Variants in GNAI1 observed in about 807,000 individuals in gnomAD.
GNAI1 encodes G protein subunit alpha i1, also known as guanine nucleotide-binding protein G(i) subunit alpha-1.
A neutral mutation model predicts 38.9 loss-of-function variants in GNAI1; 11 were observed. The ratio of observed to expected loss-of-function variants is 0.28; its 90% CI spans 0.18 to 0.47. The LOEUF is 0.47. Ranked by LOEUF, GNAI1 falls within the 20% of genes least tolerant of loss-of-function variation. GNAI1 has a pLI of 0.99. For missense variants in GNAI1, 317 were observed against 436.9 expected (o/e 0.73, Z 2.45); for synonymous variants, 166 against 145.1 (o/e 1.14, Z -1.04).
intron 5 of GNAI1, among the ~76,000 whole-genome samples, chr7:80,205,571 C>A (rs1448486102): frequency 7.0e-6 from 1 of 142,022 alleles, no homozygotes; most frequent in Non-Finnish European, 1.5e-5. Context: ...TTAGATAAAT[C>A]ATTTGTTACC....
rs889319678 is a variant in GNAI1, at chr7:80,134,886, C to A, written c.-275C>A. ...GCGGCCACCGGCGGGAGTGCAGCGG[C>A]CACTGTACCCAGAGATTCAAAACCC... On this transcript the variant is annotated 5_prime_UTR_variant, in exon 1 of 8. Coordinates refer to ENST00000649796, the MANE Select transcript of GNAI1 (RefSeq NM_002069.6). 3.4e-6 allele frequency: 1 copy of A among 290,324 alleles called. No individual in the cohort carries two copies. The allele number at this position is 290,324 out of a possible 1,614,324, so 18.0% of individuals were successfully genotyped here. A position where few individuals can be genotyped will look rare whatever the true frequency, so the allele number is the denominator to read the frequency against.
chr7:80,148,090 A>T (rs916305693), intron 1 of GNAI1, among the ~76,000 whole-genome samples: 5 of 152,132 alleles, frequency 3.3e-5, no homozygotes, highest in South Asian at 2.1e-4. Flanking sequence ...ATTTGTCTTG[A>T]TAGGCCTTTG....
chr7:80,143,968 A>T (rs1030511659), intron 1 of GNAI1, among the ~76,000 whole-genome samples: 5 of 151,386 alleles, frequency 3.3e-5, no homozygotes, highest in African/African-American at 9.7e-5. Flanking sequence ...GTGTGTGTGT[A>T]TATATATAGT....
intron 5 of GNAI1, 60 bp downstream of exon 5, chr7:80,203,892 TAAA>T: frequency 1.0e-6 from 1 of 984,246 alleles, no homozygotes; most frequent in Non-Finnish European, 1.5e-6. Flanking sequence ...GCTTTAGAAA[TAAA>T]AAGTGTAATA....
At chr7:80,193,028 A>G (rs1788509631) in intron 3 of GNAI1, among the ~76,000 whole-genome samples, 1 of 151,278 alleles carries the variant, frequency 6.6e-6, no homozygotes, top group African/African-American at 2.4e-5. Flanking sequence ...TTTGTTTTTA[A>G]TAATTATTAT....
intron 3 of GNAI1, among the ~76,000 whole-genome samples, chr7:80,196,426 C>G (rs1788575668): frequency 1.3e-5 from 2 of 151,986 alleles, no homozygotes; most frequent in Admixed American, 1.3e-4. Context: ...CTCTGTATCA[C>G]ACTATTTTGG....
At chr7:80,199,430 C>G in intron 4 of GNAI1, 48 bp downstream of exon 4, 4 of 1,359,178 alleles carry the variant, frequency 2.9e-6, no homozygotes, top group Non-Finnish European at 4.1e-6. Context: ...TAATTACTTG[C>G]AAGTCAAATA....
chr7:80,149,589 C>A (rs116787894), intron 1 of GNAI1, among the ~76,000 whole-genome samples: 1 of 152,144 alleles, frequency 6.6e-6, no homozygotes, highest in African/African-American at 2.4e-5. Flanking sequence ...TGCTGAGGGG[C>A]AGTAGAAGGA....
intron 1 of GNAI1, among the ~76,000 whole-genome samples, chr7:80,152,474 A>G (rs1787744375): frequency 6.6e-6 from 1 of 152,140 alleles, no homozygotes; most frequent in Admixed American, 6.5e-5. Flanking sequence ...TATCCATTGA[A>G]ATAGGTCGAT....
At chr7:80,147,792 A>G (rs1187977668) in intron 1 of GNAI1, among the ~76,000 whole-genome samples, 1 of 152,210 alleles carries the variant, frequency 6.6e-6, no homozygotes, top group Non-Finnish European at 1.5e-5. Context: ...CATGTGTTCT[A>G]TAGCTTCTAC....
intron 1 of GNAI1, among the ~76,000 whole-genome samples, chr7:80,152,028 C>T (rs183668938): frequency 1.4e-4 from 21 of 152,266 alleles, no homozygotes; most frequent in Middle Eastern, 3.4e-3. Context: ...TCTCCTTTCA[C>T]GGCCTCTTTT....
At chr7:80,148,715 A>G (rs1357278258) in intron 1 of GNAI1, among the ~76,000 whole-genome samples, 3 of 152,150 alleles carry the variant, frequency 2.0e-5, no homozygotes, top group Non-Finnish European at 4.4e-5. Flanking sequence ...TGTTCTAGAA[A>G]TGATTTAGTA....
Position 80,143,707 on chromosome 7 carries a change from C to G in GNAI1, c.118+8429C>G, listed in dbSNP as rs545437793. ...TATAAATGCTGGATAATAAATATAT[C>G]TACTTCATAGGGCTAGTGACAAAGT... On this transcript the variant is annotated intron_variant, in intron 1 of 7. Coordinates refer to ENST00000649796, the MANE Select transcript of GNAI1 (RefSeq NM_002069.6). Among the ~76,000 whole-genome samples, 28 of 152,174 alleles carry G rather than the reference C, an allele frequency of 1.8e-4. No individual in the cohort carries two copies. In the South Asian group the frequency reaches 4.8e-3, roughly 26 times the overall value.
chr7:80,148,515 A>G (rs2116092069), intron 1 of GNAI1, among the ~76,000 whole-genome samples: 1 of 130,798 alleles, frequency 7.6e-6, no homozygotes, highest in East Asian at 2.1e-4. Flanking sequence ...CAGTGAAAAA[A>G]ATGTTATTTT....
intron 1 of GNAI1, among the ~76,000 whole-genome samples, chr7:80,164,892 G>A (rs1011183177): frequency 2.0e-5 from 3 of 149,638 alleles, no homozygotes; most frequent in Admixed American, 6.6e-5. Flanking sequence ...TTCTTTACTC[G>A]ACCTTTTTAA....
chr7:80,158,983 C>T (rs533158446), intron 1 of GNAI1, among the ~76,000 whole-genome samples: 2 of 152,290 alleles, frequency 1.3e-5, no homozygotes, highest in South Asian at 4.1e-4. Context: ...GGCATAGCTT[C>T]TGCCACTGCC....
intron 1 of GNAI1, among the ~76,000 whole-genome samples, chr7:80,147,496 A>G (rs1787645506): frequency 6.6e-6 from 1 of 152,046 alleles, no homozygotes. Context: ...TGCGATCTCC[A>G]GCTTCTTGAC....
intron 1 of GNAI1, among the ~76,000 whole-genome samples, chr7:80,140,438 T>C (rs1787506846): frequency 6.6e-6 from 1 of 152,240 alleles, no homozygotes; most frequent in Non-Finnish European, 1.5e-5. Flanking sequence ...CCACAATCAA[T>C]TTTTATTTTG....
intron 1 of GNAI1, among the ~76,000 whole-genome samples, chr7:80,178,803 T>C (rs1277926824): frequency 6.6e-6 from 1 of 152,180 alleles, no homozygotes; most frequent in Non-Finnish European, 1.5e-5. Context: ...CTCTGAGGTA[T>C]ACCTGTACAA....
Sources: allele counts gnomAD v4.1 joint callset (sites outside exome capture counted in the v4.1 genomes callset), GRCh38; gene constraint gnomAD v4.1.1; transcripts MANE v1.5; gene names NCBI Gene and HGNC (gene_info 2026-07-23, HGNC 2026-07-21).